FAT3: variants seen among roughly 807,000 people sequenced by gnomAD.
FAT3 encodes the protein FAT atypical cadherin 3.
FAT3 carries 95 observed loss-of-function variants against 310.2 expected under a neutral mutation model. That is an observed-to-expected ratio of 0.31 (90% confidence interval 0.26 to 0.36). The LOEUF is 0.36. FAT3 is among the 10% of genes least tolerant of loss of function. The probability of loss-of-function intolerance (pLI) is 1.00; values close to 1 mark genes in which losing one functional copy is unlikely to be tolerated. For missense variants in FAT3, 5,408 were observed against 5,715.6 expected, an observed-to-expected ratio of 0.95 and a Z score of 1.74; for synonymous variants, 2,314 against 2,192.9, an observed-to-expected ratio of 1.06 and a Z score of -1.54.
At chr11:92,857,446 T>G (rs1040982885) in intron 20 of FAT3, 98 bp downstream of exon 20, 7 of 1,515,786 alleles carry the variant, frequency 4.6e-6, no homozygotes, top group Middle Eastern at 1.8e-4. Flanking sequence ...AGAAAACGTT[T>G]CTTTATGCAT....
rs201895923 is a variant in FAT3 at position 92,233,894 on chromosome 11, CAT to C, written c.-18+8721_-18+8722del. Among the ~76,000 whole-genome samples the C allele has an allele frequency of 5.2e-3, 798 of 152,262 alleles. 10 individuals are homozygous for C. The highest frequency in any genetic ancestry group is 0.018 in the African/African-American group (751 of 41,546). ...TTCCTAAGTTGTATTCAGCAGTGCA[CAT>C]GTTGTGTTCAGTTTACATTCTGCAT... On this transcript the variant is annotated intron_variant, in intron 1 of 27. Transcript: ENST00000525166.
chr11:92,618,288 G>T (rs2135656192), intron 3 of FAT3, among the ~76,000 whole-genome samples: 1 of 152,290 alleles, frequency 6.6e-6, no homozygotes, highest in East Asian at 1.9e-4. Flanking sequence ...CCAGGCGCGG[G>T]ATACAATCTC....
At chr11:92,364,644 T>C (rs1342909718) in intron 2 of FAT3, among the ~76,000 whole-genome samples, 2 of 152,232 alleles carry the variant, frequency 1.3e-5, no homozygotes, top group Admixed American at 6.5e-5. Flanking sequence ...CTTGCCAGTT[T>C]TTATGAAAGC....
chr11:92,765,409 T>C (rs927824855), intron 6 of FAT3, among the ~76,000 whole-genome samples: 4 of 152,198 alleles, frequency 2.6e-5, no homozygotes, highest in Non-Finnish European at 4.4e-5. Context: ...AATGTATTGA[T>C]GGTACTAGAC....
intron 1 of FAT3, among the ~76,000 whole-genome samples, chr11:92,267,914 A>G (rs2134325768): frequency 6.6e-6 from 1 of 152,254 alleles, no homozygotes; most frequent in South Asian, 2.1e-4. Flanking sequence ...GTTGGTTTTC[A>G]GATTGAATGA....
intron 2 of FAT3, among the ~76,000 whole-genome samples, chr11:92,441,171 C>T (rs1422427154): frequency 1.3e-5 from 2 of 152,220 alleles, no homozygotes; most frequent in African/African-American, 4.8e-5. Context: ...CCGGCTTCCC[C>T]CACATTCTTT....
chr11:92,379,875 C>T (rs1349243572), intron 2 of FAT3, among the ~76,000 whole-genome samples: 1 of 152,048 alleles, frequency 6.6e-6, no homozygotes, highest in East Asian at 1.9e-4. Context: ...AGAAGGTCAA[C>T]AAGGAATCAG....
At position 92,747,442 on chromosome 11, in the gene FAT3, A is replaced by G. The variant is rs189252275; in HGVS notation, c.3670-14414A>G. ...GGGGACCCTGGGCCCAGCCCACAAA[A>G]CCATTTTTTCCTCCTAGGCCTCCAG... On this transcript the variant is annotated intron_variant, in intron 4 of 27. Transcript: ENST00000525166. Among the ~76,000 whole-genome samples, 155 of 152,180 alleles carry G rather than the reference A, an allele frequency of 1.0e-3. 6 individuals are homozygous for G. Among genetic ancestry groups the G allele is most frequent in the Admixed American group, 9.9e-3 (151 of 15,294 alleles).
chr11:92,507,094 A>G (rs560674400), intron 2 of FAT3, among the ~76,000 whole-genome samples: 97 of 152,326 alleles, frequency 6.4e-4, no homozygotes, highest in Admixed American at 1.6e-3. Flanking sequence ...ACAGTGAGTT[A>G]GTATTTATCG....
chr11:92,813,606 A>G (rs866320970), intron 13 of FAT3, among the ~76,000 whole-genome samples: 1 of 152,098 alleles, frequency 6.6e-6, no homozygotes, highest in South Asian at 2.1e-4. Context: ...ACCCCTGACA[A>G]CCACTGACTT....
chr11:92,408,697 G>A (rs958452908), intron 2 of FAT3, among the ~76,000 whole-genome samples: 1 of 152,168 alleles, frequency 6.6e-6, no homozygotes, highest in Non-Finnish European at 1.5e-5. Context: ...CATATTCTGG[G>A]AGAGCAGAAA....
intron 22 of FAT3, among the ~76,000 whole-genome samples, chr11:92,871,613 T>C: frequency 6.6e-6 from 1 of 152,328 alleles, no homozygotes; most frequent in African/African-American, 2.4e-5. Flanking sequence ...CCCATTTGAT[T>C]GCTATTTACT....
At chr11:92,690,699 C>T (rs1943775455) in intron 3 of FAT3, among the ~76,000 whole-genome samples, 1 of 151,852 alleles carries the variant, frequency 6.6e-6, no homozygotes. Context: ...TTTAATTTTT[C>T]CTCTACTCCT....
chr11:92,548,682 A>T (rs1374115901), intron 3 of FAT3, among the ~76,000 whole-genome samples: 6 of 152,248 alleles, frequency 3.9e-5, no homozygotes, highest in African/African-American at 1.4e-4. Context: ...AACCTATAGC[A>T]GTGTAACTTT....
chr11:92,553,334 C>T (rs571578310), intron 3 of FAT3, among the ~76,000 whole-genome samples: 1 of 152,244 alleles, frequency 6.6e-6, no homozygotes, highest in South Asian at 2.1e-4. Context: ...TGCAGAGTTC[C>T]TGCTTAGTGC....
At chr11:92,736,084 C>G (rs1259692633) in intron 4 of FAT3, among the ~76,000 whole-genome samples, 1 of 152,104 alleles carries the variant, frequency 6.6e-6, no homozygotes, top group African/African-American at 2.4e-5. Flanking sequence ...GAAGATGGCT[C>G]TTTGAAGGCA....
intron 3 of FAT3, among the ~76,000 whole-genome samples, chr11:92,692,211 A>G (rs1388350133): frequency 6.6e-6 from 1 of 152,242 alleles, no homozygotes; most frequent in Non-Finnish European, 1.5e-5. Flanking sequence ...GAGAGCATTC[A>G]GACAGCTTTA....
At chr11:92,385,676 C>T (rs770565222) in intron 2 of FAT3, among the ~76,000 whole-genome samples, 1 of 152,080 alleles carries the variant, frequency 6.6e-6, no homozygotes, top group East Asian at 1.9e-4. Flanking sequence ...CTACCTCTTG[C>T]TGATTTTAGA....
chr11:92,306,826 C>T lies in FAT3; in HGVS notation c.-17-45270C>T, dbSNP rs1357246874. Among the ~76,000 whole-genome samples, 4 of 140,742 alleles carry T rather than the reference C, an allele frequency of 2.8e-5. 1 individual carries two copies. The highest frequency in any genetic ancestry group is 5.3e-5 in the African/African-American group (2 of 37,608). The allele number at this position is 140,742 out of a possible 152,430, so 92.3% of individuals were successfully genotyped here. On this transcript the variant is annotated intron_variant, in intron 1 of 27. Transcript: ENST00000525166. ...ATTTGAGATGAGTCTTGCTCTATTG[C>T]CCTTGCACTGCTGGAAGGCAGTGGT...
Sources: allele counts gnomAD v4.1 joint callset (sites outside exome capture counted in the v4.1 genomes callset), GRCh38; gene constraint gnomAD v4.1.1; transcripts MANE v1.5; gene names NCBI Gene and HGNC (gene_info 2026-07-23, HGNC 2026-07-21).